DDX10: variants seen among roughly 807,000 people sequenced by gnomAD.
DDX10 encodes the protein DEAD-box helicase 10.
In DDX10, 74 loss-of-function variants were observed where a neutral mutation model predicts 104.3. The ratio of observed to expected loss-of-function variants is 0.71; its 90% CI spans 0.59 to 0.86. DDX10 has a LOEUF of 0.86. Among genes scored for constraint, DDX10 ranks in the 40% least tolerant of loss-of-function variants. The pLI, the probability that DDX10 is intolerant of heterozygous loss-of-function variation, is 0.00. For synonymous variants in DDX10, 351 were observed against 353.4 expected, an observed-to-expected ratio of 0.99 and a Z score of 0.08; for missense variants, 952 against 1,040.0, an observed-to-expected ratio of 0.92 and a Z score of 1.16.
chr11:108,676,268 C>G (rs2134438318), intron 3 of DDX10, among the ~76,000 whole-genome samples: 1 of 152,184 alleles, frequency 6.6e-6, no homozygotes, highest in Admixed American at 6.5e-5. Flanking sequence ...CCTAATTTTT[C>G]ATTCCTATAA....
intron 16 of DDX10, 126 bp from the exon 17 acceptor site, chr11:108,917,747 A>G (rs2134664070): frequency 1.1e-6 from 1 of 888,550 alleles, no homozygotes; most frequent in Non-Finnish European, 1.7e-6. Flanking sequence ...ATAAGGGCCT[A>G]CACCAGAAGA....
rs971040310 is a variant in DDX10 at position 108,683,227 on chromosome 11, A to G, written c.848+3667A>G. 2.0e-5 allele frequency among the ~76,000 whole-genome samples: 3 copies of G among 152,154 alleles called. No homozygotes were observed. The South Asian group carries it at 6.2e-4, about 32-fold the overall frequency. Reference sequence around the variant, plus strand: ...TGCCAGAATCTCTGCTCAGTTCTGTAGCTTCCCAGTTGGTTGGTTTTTGCT... The same window carrying G: ...TGCCAGAATCTCTGCTCAGTTCTGTGGCTTCCCAGTTGGTTGGTTTTTGCT... On this transcript the variant is annotated intron_variant, in intron 6 of 17. Coordinates refer to ENST00000322536, the MANE Select transcript of DDX10 (RefSeq NM_004398.4).
intron 16 of DDX10, among the ~76,000 whole-genome samples, chr11:108,902,193 C>G (rs1591117891): frequency 6.6e-6 from 1 of 152,158 alleles, no homozygotes; most frequent in African/African-American, 2.4e-5. Flanking sequence ...ACACAGGGCT[C>G]TAACTCATGA....
At chr11:108,693,479 G>A in intron 8 of DDX10, 37 bp from the exon 9 acceptor site, 1 of 1,508,186 alleles carries the variant, frequency 6.6e-7, no homozygotes, top group Non-Finnish European at 9.2e-7. Context: ...GGCAGATCTT[G>A]CAACCAGTTT....
intron 13 of DDX10, among the ~76,000 whole-genome samples, chr11:108,790,711 T>G (rs1861858550): frequency 6.6e-6 from 1 of 152,190 alleles, no homozygotes; most frequent in African/African-American, 2.4e-5. Flanking sequence ...AGTCTCTGGC[T>G]GTTTTTCACT....
At chr11:108,853,344 G>A (rs939074508) in intron 16 of DDX10, among the ~76,000 whole-genome samples, 3 of 152,084 alleles carry the variant, frequency 2.0e-5, no homozygotes, top group Non-Finnish European at 4.4e-5. Flanking sequence ...AATATTGCAT[G>A]TTCAGCATAA....
In DDX10 at chr11:108,825,579, G is replaced by T. The variant is rs571568792; in HGVS notation, c.1966-12867G>T. Among the ~76,000 whole-genome samples the T allele has an allele frequency of 3.3e-4, 51 of 152,266 alleles. 1 individual carries two copies. The highest frequency in any genetic ancestry group is 2.7e-3 in the Admixed American group (42 of 15,302). On this transcript the variant is annotated intron_variant, in intron 13 of 17. Coordinates refer to ENST00000322536, the MANE Select transcript of DDX10 (RefSeq NM_004398.4). ...TGCATATCTATGTAGTATTGGTCTG[G>T]GGTGGGGAAGAAACAAGCAAGACAT...
At chr11:108,848,240 T>A (rs1188404406) in intron 15 of DDX10, among the ~76,000 whole-genome samples, 1 of 152,190 alleles carries the variant, frequency 6.6e-6, no homozygotes, top group Non-Finnish European at 1.5e-5. Context: ...TAGCTAGATA[T>A]GTACATATAC....
intron 9 of DDX10, among the ~76,000 whole-genome samples, chr11:108,704,199 A>G (rs139837273): frequency 1.3e-5 from 2 of 152,318 alleles, no homozygotes; most frequent in African/African-American, 2.4e-5. Context: ...ATGAGAGAAC[A>G]TTGAGTGAAT....
intron 17 of DDX10, among the ~76,000 whole-genome samples, chr11:108,930,928 T>C (rs2134675251): frequency 6.6e-6 from 1 of 152,270 alleles, no homozygotes; most frequent in South Asian, 2.1e-4. Context: ...CTAATAATAA[T>C]ATACTTAATT....
intron 16 of DDX10, among the ~76,000 whole-genome samples, chr11:108,901,013 A>G (rs1267206670): frequency 6.6e-6 from 1 of 152,016 alleles, no homozygotes; most frequent in Non-Finnish European, 1.5e-5. Context: ...CATCTCCTTC[A>G]TGAAGTCTTT....
chr11:108,681,998 A>G (rs1462483064), intron 6 of DDX10, among the ~76,000 whole-genome samples: 1 of 151,964 alleles, frequency 6.6e-6, no homozygotes, highest in Non-Finnish European at 1.5e-5. Context: ...CCCTTTAGAT[A>G]AATTAATTAT....
At chr11:108,820,841 A>C (rs1266744036) in intron 13 of DDX10, among the ~76,000 whole-genome samples, 1 of 152,232 alleles carries the variant, frequency 6.6e-6, no homozygotes, top group Non-Finnish European at 1.5e-5. Context: ...CCTGTGAATC[A>C]GTTTTCCCAA....
intron 13 of DDX10, among the ~76,000 whole-genome samples, chr11:108,818,971 T>C (rs1274651691): frequency 3.3e-5 from 5 of 152,200 alleles, no homozygotes; most frequent in Non-Finnish European, 5.9e-5. Flanking sequence ...TTTCCTAACT[T>C]AACGTTGATG....
intron 13 of DDX10, chr11:108,822,519 G>A (rs1170512945): frequency 4.4e-6 from 1 of 226,556 alleles, no homozygotes; most frequent in South Asian, 6.8e-5. Context: ...AGTATCCAAC[G>A]GCCTCACCTG....
intron 15 of DDX10, among the ~76,000 whole-genome samples, chr11:108,847,221 C>A (rs1862731647): frequency 6.6e-6 from 1 of 152,156 alleles, no homozygotes. Flanking sequence ...TACATACAAG[C>A]AATGTGTTTT....
At chr11:108,875,582 G>A (rs1364991434) in intron 16 of DDX10, among the ~76,000 whole-genome samples, 1 of 152,176 alleles carries the variant, frequency 6.6e-6, no homozygotes, top group African/African-American at 2.4e-5. Flanking sequence ...ATGAAGAGTA[G>A]TGCCTGTAAT....
intron 5 of DDX10, among the ~76,000 whole-genome samples, chr11:108,678,877 T>C (rs987284758): frequency 1.5e-5 from 2 of 130,618 alleles, no homozygotes; most frequent in South Asian, 4.8e-4. Context: ...CTAATTTTTT[T>C]TTTTTTTTTT....
chr11:108,713,399 A>C (rs562020377), intron 10 of DDX10, among the ~76,000 whole-genome samples: 46 of 152,126 alleles, frequency 3.0e-4, no homozygotes, highest in Admixed American at 3.0e-3. Context: ...GGAAGTTTTT[A>C]TCAAGTTCAG....
Sources: gnomAD v4.1 joint callset for allele counts (sites outside exome capture counted in the v4.1 genomes callset) on GRCh38, gnomAD v4.1.1 for gene constraint, MANE v1.5 for transcripts, NCBI Gene and HGNC (gene_info 2026-07-23, HGNC 2026-07-21) for gene names.